The following GIT2 variants were observed in gnomAD, a reference collection of about 807,000 sequenced individuals.
The protein encoded by GIT2 is GIT ArfGAP 2, also known as ARF GTPase-activating protein GIT2.
In GIT2, 32 loss-of-function variants were observed where a neutral mutation model predicts 100.3. That is an observed-to-expected ratio of 0.32 (90% confidence interval 0.24 to 0.43). The LOEUF (loss-of-function observed/expected upper bound fraction) is 0.43. GIT2 is among the 20% of genes least tolerant of loss of function. The pLI is 1.00. For synonymous variants in GIT2, 353 were observed against 364.1 expected (o/e 0.97, Z 0.35); for missense variants, 737 against 975.1 (o/e 0.76, Z 3.25).
chr12:109,945,133 G>A (rs1875948706), intron 16 of GIT2, 127 bp downstream of exon 16: 1 of 637,198 alleles, frequency 1.6e-6, no homozygotes, highest in Non-Finnish European at 2.9e-6. Flanking sequence ...GAGAAACCAG[G>A]AGGAAGTGCT....
chr12:109,974,808 T>C (rs1884687665), intron 7 of GIT2, among the ~76,000 whole-genome samples: 1 of 152,188 alleles, frequency 6.6e-6, no homozygotes, highest in Non-Finnish European at 1.5e-5. Flanking sequence ...TTTAGTTCTA[T>C]ATCCTTACTG....
At chr12:109,938,610 T>G in intron 17 of GIT2, 42 bp from the exon 18 acceptor site, 3 of 1,439,180 alleles carry the variant, frequency 2.1e-6, no homozygotes, top group Non-Finnish European at 2.8e-6. Flanking sequence ...CAGGTGCTTA[T>G]CAGCTGCCCC....
At position 109,938,371 on chromosome 12, in the gene GIT2, C is replaced by T; in HGVS notation, c.2003+9G>A. On this transcript the variant is annotated intron_variant, in intron 18 of 19. Coordinates refer to ENST00000355312, the MANE Select transcript of GIT2 (RefSeq NM_057169.5). ...GCTCTCCCAAAGCAGGGTCTTCAAT[C>T]CTGCTTACCTGTCATGTTTATTTTC... 6.2e-7 allele frequency: 1 copy of T among 1,605,488 alleles called. No homozygotes were observed. Among genetic ancestry groups the T allele is most frequent in the Non-Finnish European group, 8.5e-7 (1 of 1,174,558 alleles).
At chr12:109,950,831 C>A in intron 14 of GIT2, 1 of 229,766 alleles carries the variant, frequency 4.4e-6, no homozygotes, top group Non-Finnish European at 8.7e-6. Flanking sequence ...GCTCTGTCTC[C>A]ATGGTGTGAT....
rs377371990 is a variant in GIT2, at chr12:109,984,169, G to T, written c.406-475C>A. The stretch of plus-strand genomic sequence containing the variant: ...TCATGCCTGTAATCCCAGCACTTTG[G>T]GGGGCTGAGGTTGGAGGATCACTTG... On this transcript the variant is annotated intron_variant, in intron 4 of 19. Coordinates refer to ENST00000355312, the MANE Select transcript of GIT2 (RefSeq NM_057169.5). Among the ~76,000 whole-genome samples the T allele has an allele frequency of 4.6e-5, 7 of 152,254 alleles. No individual in the cohort carries two copies. In the South Asian group the frequency reaches 8.3e-4, roughly 18 times the overall value.
chr12:109,985,431 A>G (rs1887186301), intron 4 of GIT2, among the ~76,000 whole-genome samples: 1 of 152,156 alleles, frequency 6.6e-6, no homozygotes, highest in Non-Finnish European at 1.5e-5. Flanking sequence ...GGGGGGGAAA[A>G]AAGGCCAGAT....
At position 109,930,817 on chromosome 12, in the gene GIT2, C is replaced by T. The variant is rs1184090322; in HGVS notation, c.*2161G>A. 6.6e-6 allele frequency: 1 copy of T among 152,256 alleles called. No individual in the cohort carries two copies. The highest frequency in any genetic ancestry group is 1.9e-4 in the East Asian group (1 of 5,204). 9.4% of individuals were successfully genotyped at this position (152,256 alleles called of 1,614,324 possible). A position where few individuals can be genotyped will look rare whatever the true frequency, so the allele number is the denominator to read the frequency against. On this transcript the variant is annotated 3_prime_UTR_variant, in exon 20 of 20. Transcript: ENST00000355312. ...AAGCCTCTACAGAAGCCCGTCCTCC[C>T]TGGGACAGCAGGGGCAGGGGTTTGC...
intron 7 of GIT2, among the ~76,000 whole-genome samples, chr12:109,970,034 G>T (rs1349484930): frequency 1.3e-5 from 2 of 152,036 alleles, no homozygotes; most frequent in African/African-American, 2.4e-5. Context: ...GGCATTACAG[G>T]CATGAGCCAC....
chr12:109,999,879 C>A (rs1889860302), upstream of GIT2: 2 of 1,170,362 alleles, frequency 1.7e-6, no homozygotes, highest in Non-Finnish European at 2.3e-6. The surrounding 1 kb of genome is among the most constrained non-coding windows in gnomAD (Gnocchi z 4.3). Flanking sequence ...CCTCTGTCCC[C>A]GGGATCCCCA....
At chr12:109,983,745 G>T in intron 4 of GIT2, 51 bp from the exon 5 acceptor site, 1 of 1,143,070 alleles carries the variant, frequency 8.7e-7, no homozygotes, top group East Asian at 2.3e-5. Context: ...TGTAAAGAAT[G>T]ATGTCCTAGG....
At chr12:109,999,261 G>A, upstream of GIT2, 1 of 153,028 alleles carries the variant, frequency 6.5e-6, no homozygotes, top group East Asian at 1.9e-4. This position sits in a 1 kb window ranked among gnomAD's most constrained non-coding sequence, Gnocchi z 4.3. Context: ...CTTTGGCCAA[G>A]AGAATGAGCC....
chr12:109,952,114 C>T (rs766848757), intron 13 of GIT2, among the ~76,000 whole-genome samples: 15 of 152,178 alleles, frequency 9.9e-5, no homozygotes, highest in Admixed American at 6.5e-5. Context: ...CTAATGACGC[C>T]ATCTTTCTCA....
intron 9 of GIT2, 76 bp from the exon 10 acceptor site, chr12:109,961,761 C>T: frequency 1.2e-6 from 1 of 861,844 alleles, no homozygotes; most frequent in Non-Finnish European, 2.0e-6. Flanking sequence ...GCGACTTAGT[C>T]ACCCTTTTAT....
chr12:109,938,815 C>T (rs1210903476), intron 17 of GIT2: 8 of 512,624 alleles, frequency 1.6e-5, no homozygotes, highest in South Asian at 3.0e-5. Context: ...ATACCTGGAG[C>T]GGGGAGGGTG....
At chr12:109,975,771 CTT>C (rs770898259) in intron 7 of GIT2, among the ~76,000 whole-genome samples, 56 of 121,344 alleles carry the variant, frequency 4.6e-4, no homozygotes, top group African/African-American at 1.2e-3. Context: ...TCTTTGTAGT[CTT>C]TTTTTTTTTT....
chr12:109,946,148 C>G (rs1565944554), intron 15 of GIT2, among the ~76,000 whole-genome samples: 1 of 151,980 alleles, frequency 6.6e-6, no homozygotes, highest in South Asian at 2.1e-4. Flanking sequence ...AAAAAAGATT[C>G]TTAACTTAGT....
At position 109,933,022 on chromosome 12, in the gene GIT2, C is replaced by A. The variant is rs772784664; in HGVS notation, c.2236G>T (p.Ala746Ser). 1 of 1,613,508 alleles carries A rather than the reference C, an allele frequency of 6.2e-7. No homozygotes were observed. Among genetic ancestry groups the A allele is most frequent in the Non-Finnish European group, 8.5e-7 (1 of 1,179,488 alleles). Residue 746 changes from alanine (A) to serine (S), a missense_variant, in exon 20 of 20, where the codon GCC (alanine) becomes TCC (serine). Transcript: ENST00000355312. The surrounding 1 kb of genome is among the most constrained non-coding windows in gnomAD (Gnocchi z 4.5). Reference sequence around the variant, plus strand: ...GTGGTGATGGTAACCAGCTGCTTGGCAGCCTTGGCGATGTCGTACGCACAC... The same window carrying A: ...GTGGTGATGGTAACCAGCTGCTTGGAAGCCTTGGCGATGTCGTACGCACAC... Reference protein sequence around the residue: ...IQCAYDIAKAAKQLVTITTKE... With the variant: ...IQCAYDIAKASKQLVTITTKE...
intron 15 of GIT2, among the ~76,000 whole-genome samples, chr12:109,946,711 A>C (rs932372622): frequency 3.3e-5 from 5 of 152,136 alleles, no homozygotes; most frequent in African/African-American, 1.2e-4. Flanking sequence ...CGAACCTAGC[A>C]GGCACACTGA....
At chr12:109,942,403 C>T (rs951569774) in intron 16 of GIT2, among the ~76,000 whole-genome samples, 2 of 152,078 alleles carry the variant, frequency 1.3e-5, no homozygotes, top group African/African-American at 4.8e-5. Context: ...TCCTGGATCA[C>T]TGTAACTTCT....
Sources: allele counts gnomAD v4.1 joint callset (sites outside exome capture counted in the v4.1 genomes callset), GRCh38; gene constraint gnomAD v4.1.1; non-coding constraint Gnocchi (gnomAD v3.1); transcripts MANE v1.5; gene names NCBI Gene and HGNC (gene_info 2026-07-23, HGNC 2026-07-21).